Variants in ARHGAP28 observed in about 807,000 individuals in gnomAD.
ARHGAP28 encodes the protein rho GTPase-activating protein 28.
A neutral mutation model predicts 90.7 loss-of-function variants in ARHGAP28; 56 were observed. The observed-to-expected ratio is 0.62, with a 90% CI of 0.50 to 0.77. ARHGAP28 has a LOEUF of 0.77. ARHGAP28 is among the 30% of genes least tolerant of loss of function. ARHGAP28 has a pLI of 0.00. For synonymous variants in ARHGAP28, 308 were observed against 323.3 expected (o/e 0.95, Z 0.51); for missense variants, 869 against 900.9 (o/e 0.96, Z 0.45).
At chr18:6,763,092 G>C (rs2056174657) in intron 1 of ARHGAP28, among the ~76,000 whole-genome samples, 1 of 152,002 alleles carries the variant, frequency 6.6e-6, no homozygotes, top group Non-Finnish European at 1.5e-5. Flanking sequence ...TTGTTTGTTT[G>C]TTTGTTTGTT....
intron 1 of ARHGAP28, among the ~76,000 whole-genome samples, chr18:6,778,645 G>A (rs916368242): frequency 6.6e-6 from 1 of 152,102 alleles, no homozygotes; most frequent in Non-Finnish European, 1.5e-5. Context: ...AGGATTTCTC[G>A]TGGAATTGCT....
At chr18:6,855,585 G>C (rs898038779) in intron 4 of ARHGAP28, among the ~76,000 whole-genome samples, 2 of 152,176 alleles carry the variant, frequency 1.3e-5, no homozygotes, top group African/African-American at 4.8e-5. Flanking sequence ...CTTTGGACCC[G>C]CCAAATGGTG....
intron 1 of ARHGAP28, among the ~76,000 whole-genome samples, chr18:6,816,003 A>AT: frequency 6.6e-6 from 1 of 151,930 alleles, no homozygotes; most frequent in African/African-American, 2.4e-5. Flanking sequence ...CTACAAACAC[A>AT]TTTTTCTGTA....
At chr18:6,858,547 TTC>T (rs1248600743) in intron 4 of ARHGAP28, among the ~76,000 whole-genome samples, 5 of 105,166 alleles carry the variant, frequency 4.8e-5, no homozygotes, top group Non-Finnish European at 9.4e-5. Flanking sequence ...TTAAATTTCT[TTC>T]TTTTTTTTTT....
chr18:6,741,302 C>T (rs575050312), intron 1 of ARHGAP28, among the ~76,000 whole-genome samples: 2 of 152,174 alleles, frequency 1.3e-5, no homozygotes, highest in Non-Finnish European at 2.9e-5. Flanking sequence ...AACTCCTCTC[C>T]CTCCTCATTT....
chr18:6,823,215 T>C (rs12709617), intron 1 of ARHGAP28, among the ~76,000 whole-genome samples: 96,482 of 151,822 alleles, frequency 0.64, 31,644 homozygotes, highest in Non-Finnish European at 0.72. Flanking sequence ...CATTCCTCCC[T>C]GCCCCATCCC....
At chr18:6,781,197 AG>A (rs1212046243) in intron 1 of ARHGAP28, among the ~76,000 whole-genome samples, 1 of 152,164 alleles carries the variant, frequency 6.6e-6, no homozygotes, top group Non-Finnish European at 1.5e-5. Flanking sequence ...CGGGACAGTC[AG>A]GGGGACCTGT....
At chr18:6,731,744 A>G (rs1274137114) in intron 1 of ARHGAP28, among the ~76,000 whole-genome samples, 2 of 152,186 alleles carry the variant, frequency 1.3e-5, no homozygotes, top group Non-Finnish European at 2.9e-5. Context: ...AGGTTCCTGT[A>G]TTTACAAAGA....
intron 1 of ARHGAP28, among the ~76,000 whole-genome samples, chr18:6,736,701 C>A (rs2055931041): frequency 7.1e-6 from 1 of 139,970 alleles, no homozygotes; most frequent in Non-Finnish European, 1.5e-5. Context: ...GAGCCAAGAT[C>A]ATGCCATTGC....
intron 1 of ARHGAP28, among the ~76,000 whole-genome samples, chr18:6,735,795 T>C (rs1330385586): frequency 6.6e-6 from 1 of 152,138 alleles, no homozygotes; most frequent in Non-Finnish European, 1.5e-5. Context: ...GCTCAAGTGA[T>C]CTGCCCACCT....
chr18:6,871,912 C>A (rs2057092952), intron 7 of ARHGAP28, among the ~76,000 whole-genome samples: 3 of 152,112 alleles, frequency 2.0e-5, no homozygotes, highest in African/African-American at 7.2e-5. Context: ...GTGATTACGT[C>A]CATTTTACAG....
At chr18:6,904,191 C>T (rs1361679800) in intron 16 of ARHGAP28, among the ~76,000 whole-genome samples, 2 of 152,118 alleles carry the variant, frequency 1.3e-5, no homozygotes, top group Non-Finnish European at 2.9e-5. Context: ...GTCAGAAGTT[C>T]GAGAGCAGCC....
At chr18:6,842,637 G>A (rs1600237492) in intron 3 of ARHGAP28, among the ~76,000 whole-genome samples, 5 of 151,986 alleles carry the variant, frequency 3.3e-5, no homozygotes, top group Admixed American at 3.3e-4. Flanking sequence ...TGATCCTTGG[G>A]TGTTGATTTA....
chr18:6,898,536 G>C, intron 16 of ARHGAP28: 1 of 1,614,030 alleles, frequency 6.2e-7, no homozygotes, highest in Non-Finnish European at 8.5e-7. Flanking sequence ...CCCCAAACAT[G>C]TATTCCTCTT....
chr18:6,751,720 C>T (rs569298008), intron 1 of ARHGAP28, among the ~76,000 whole-genome samples: 1 of 152,224 alleles, frequency 6.6e-6, no homozygotes, highest in Non-Finnish European at 1.5e-5. Flanking sequence ...CCAGCCCTGG[C>T]AACAGCAGTT....
At chr18:6,845,908 A>AGCCCATCTT (rs2056862613) in intron 3 of ARHGAP28, among the ~76,000 whole-genome samples, 1 of 152,222 alleles carries the variant, frequency 6.6e-6, no homozygotes, top group Admixed American at 6.5e-5. Flanking sequence ...ATTACATCAG[A>AGCCCATCTT]GCCCATCTTG....
intron 7 of ARHGAP28, among the ~76,000 whole-genome samples, chr18:6,872,652 C>T (rs1259603255): frequency 1.3e-5 from 2 of 151,910 alleles, no homozygotes; most frequent in African/African-American, 4.8e-5. Context: ...TAAGAATAAT[C>T]TTTTGCTTCT....
intron 8 of ARHGAP28, 26 bp from the exon 9 acceptor site, chr18:6,873,658 T>A (rs563005812): frequency 1.9e-6 from 3 of 1,591,784 alleles, no homozygotes; most frequent in Non-Finnish European, 2.6e-6. Context: ...TTTTTTTTTT[T>A]CCCCCTTTAC....
At chr18:6,828,061 A>G (rs1468967340) in intron 2 of ARHGAP28, among the ~76,000 whole-genome samples, 2 of 152,150 alleles carry the variant, frequency 1.3e-5, no homozygotes, top group Non-Finnish European at 2.9e-5. Context: ...CCTGGGCACC[A>G]TTGAGCACTG....
Sources: allele counts gnomAD v4.1 joint callset (sites outside exome capture counted in the v4.1 genomes callset), GRCh38; gene constraint gnomAD v4.1.1; transcripts MANE v1.5; gene names NCBI Gene and HGNC (gene_info 2026-07-23, HGNC 2026-07-21).